ZNF41: variants seen among roughly 807,000 people sequenced by gnomAD.
The protein encoded by ZNF41 is zinc finger protein 41.
In ZNF41, 6 loss-of-function variants were observed where a neutral mutation model predicts 9.3. The ratio of observed to expected loss-of-function variants is 0.65; its 90% CI spans 0.35 to 1.28. ZNF41 has a LOEUF of 1.28. ZNF41 is among the 50% of genes most tolerant of loss of function. The pLI is 0.03. For missense variants in ZNF41, 523 were observed against 585.8 expected (o/e 0.89, Z 1.11); for synonymous variants, 192 against 207.1 (o/e 0.93, Z 0.63).
rs138731878 is a variant in ZNF41 at position 47,448,592 on chromosome X, G to A, written c.1178C>T (p.Ser393Phe). 8.3e-7 allele frequency: 1 copy of A among 1,211,737 alleles called. No individual in the cohort carries two copies. The highest frequency in any genetic ancestry group is 1.1e-6 in the Non-Finnish European group (1 of 895,512). ...ATGTATACTGAGGTCTGAGTTCTGG[G>A]AGAAGCCTTTTCCACATTCACTGCA... ...YECSECGKGF[S>F]QNSDLSIHQK... The change falls in exon 5 of 5, where the codon TCC (serine) becomes TTC (phenylalanine). Residue 393 changes from serine to phenylalanine, a missense_variant. Ser to Phe is a radical substitution (Grantham distance 155). Coordinates refer to ENST00000684689, the MANE Select transcript of ZNF41 (RefSeq NM_001324144.2).
chrX:47,447,508 C>T lies in ZNF41; in HGVS notation c.2262G>A (p.Lys754=), dbSNP rs1270325617. Residue 754 remains lysine, a synonymous_variant, in exon 5 of 5, where the codon AAG becomes AAA. Coordinates refer to ENST00000684689, the MANE Select transcript of ZNF41 (RefSeq NM_001324144.2). ...TGAGATTCGATCTGTCAGTAAAGGC[C>T]TTCTGACATTCTGTACAAGCATAAG... The part of the protein sequence containing the change: ...KKPYACTECQ[K]AFTDRSNLIK... 1 of 1,209,560 alleles carries T rather than the reference C, an allele frequency of 8.3e-7. No homozygotes were observed. Among genetic ancestry groups the T allele is most frequent in the East Asian group, 3.0e-5 (1 of 33,779 alleles).
intron 1 of ZNF41, among the ~76,000 whole-genome samples, chrX:47,473,463 G>T (rs1160967539): frequency 8.9e-6 from 1 of 111,784 alleles, no homozygotes; most frequent in Non-Finnish European, 1.9e-5. Flanking sequence ...AATAATAAAA[G>T]AAACAATAAA....
chrX:47,476,260 C>T (rs747601718), intron 1 of ZNF41, among the ~76,000 whole-genome samples: 2 of 110,216 alleles, frequency 1.8e-5, no homozygotes, highest in Non-Finnish European at 3.8e-5. Flanking sequence ...GGCTGAGGCA[C>T]GAGAATTGCT....
intron 4 of ZNF41, among the ~76,000 whole-genome samples, chrX:47,449,728 A>G (rs1451986618): frequency 1.8e-5 from 2 of 112,418 alleles, no homozygotes; most frequent in Non-Finnish European, 3.8e-5. Flanking sequence ...CCTATGAGGT[A>G]GCTAAACCCT....
rs1157449992 is a variant in ZNF41, at chrX:47,467,286, G to A, written c.72+124C>T. 9.5e-6 allele frequency: 11 copies of A among 1,158,545 alleles called. No homozygotes were observed. In the South Asian group the frequency reaches 1.5e-4, roughly 16 times the overall value. On this transcript the variant is annotated intron_variant, in intron 2 of 4. Coordinates refer to ENST00000684689, the MANE Select transcript of ZNF41 (RefSeq NM_001324144.2). The stretch of plus-strand genomic sequence containing the variant: ...CAAGAGGACCCTGATCTGTCTCCAG[G>A]GTGGCAGGTCCGGAATCTGCCACTT...
At chrX:47,479,272 G>A (rs1489701336) in intron 1 of ZNF41, among the ~76,000 whole-genome samples, 1 of 111,805 alleles carries the variant, frequency 8.9e-6, no homozygotes. Flanking sequence ...GCCAAGCAGG[G>A]TTGCAAAGCC....
At position 47,448,940 on chromosome X, in the gene ZNF41, A is replaced by T. The variant is rs1602818603; in HGVS notation, c.830T>A (p.Val277Glu). The change falls in exon 5 of 5, where the codon GTA (valine) becomes GAA (glutamate). Residue 277 changes from valine to glutamate, a missense_variant. By Grantham distance (121) the Val-to-Glu change is moderately radical. Coordinates refer to ENST00000684689, the MANE Select transcript of ZNF41 (RefSeq NM_001324144.2). ...EEKLYVCTEC[V>E]MGFTQKSHLF... ...ATGTGACTTCTGAGTGAAGCCCATT[A>T]CACATTCAGTACACACATAAAGCTT... The T allele has an allele frequency of 8.3e-7, 1 of 1,211,450 alleles. No individual in the cohort carries two copies. The highest frequency in any genetic ancestry group is 1.1e-6 in the Non-Finnish European group (1 of 895,341).
chrX:47,456,065 G>A, intron 3 of ZNF41, 49 bp from the exon 4 acceptor site: 1 of 1,139,176 alleles, frequency 8.8e-7, no homozygotes, highest in East Asian at 3.0e-5. Flanking sequence ...TTGGGTTTCA[G>A]GGGCCTTTCA....
chrX:47,462,653 C>G (rs2056839039), intron 2 of ZNF41, among the ~76,000 whole-genome samples: 2 of 110,970 alleles, frequency 1.8e-5, no homozygotes, highest in Admixed American at 2.0e-4. Flanking sequence ...CACAGACTGA[C>G]TGCTGTTGGA....
At chrX:47,452,311 G>A (rs900073590) in intron 4 of ZNF41, among the ~76,000 whole-genome samples, 10 of 108,514 alleles carry the variant, frequency 9.2e-5, no homozygotes, top group African/African-American at 1.4e-4. Context: ...GCAGGCCCCC[G>A]CAGTGCTGTA....
In ZNF41 at chrX:47,446,987, C is replaced by T. The variant is rs183400023; in HGVS notation, c.*443G>A. ...GACAATGAAAACTCTTCTCCTCAAC[C>T]TAGAAATTTGAAAAAGTTTTTCCCA... On this transcript the variant is annotated 3_prime_UTR_variant, in exon 5 of 5. Transcript: ENST00000684689. 36 of 122,584 alleles carry T rather than the reference C, an allele frequency of 2.9e-4. No homozygotes were observed. Among genetic ancestry groups the T allele is most frequent in the African/African-American group, 1.1e-3 (34 of 30,888 alleles). The allele number at this position is 122,584 out of a possible 1,213,427, so 10.1% of individuals were successfully genotyped here.
chrX:47,458,309 T>G (rs941997072), intron 2 of ZNF41, among the ~76,000 whole-genome samples: 8 of 112,016 alleles, frequency 7.1e-5, no homozygotes, highest in African/African-American at 2.6e-4. Context: ...AAATAACTGA[T>G]CGTCTAAGAA....
Position 47,447,335 on chromosome X carries a change from T to A in ZNF41, c.*95A>T, listed in dbSNP as rs1159428938. 8.9e-7 allele frequency: 1 copy of A among 1,117,946 alleles called. No homozygotes were observed. Among genetic ancestry groups the A allele is most frequent in the Non-Finnish European group, 1.2e-6 (1 of 821,766 alleles). 92.1% of individuals were successfully genotyped at this position (1,117,946 alleles called of 1,213,427 possible). On this transcript the variant is annotated 3_prime_UTR_variant, in exon 5 of 5. Transcript: ENST00000684689. ...CAAGCCTCAGTCTCTCATACCCATT[T>A]CCCCCTGTACAATGATTGCAGCAAC...
chrX:47,453,086 T>C (rs1210554340), intron 4 of ZNF41, among the ~76,000 whole-genome samples: 1 of 112,026 alleles, frequency 8.9e-6, no homozygotes, highest in Admixed American at 9.5e-5. Context: ...AATAGGCTCT[T>C]TTTTCTTAAA....
At chrX:47,463,224 C>T (rs1569290728) in intron 2 of ZNF41, among the ~76,000 whole-genome samples, 1 of 110,977 alleles carries the variant, frequency 9.0e-6, no homozygotes, top group Non-Finnish European at 1.9e-5. Flanking sequence ...ATGCCCTTAC[C>T]CACTAAAGTG....
In ZNF41 at chrX:47,445,802, T is replaced by G. The variant is rs1251128226; in HGVS notation, c.*1628A>C. On this transcript the variant is annotated 3_prime_UTR_variant, in exon 5 of 5. Coordinates refer to ENST00000684689, the MANE Select transcript of ZNF41 (RefSeq NM_001324144.2). Reference sequence around the variant, plus strand: ...ATACAACATGACAATGAAAATGAATTATCTACAACTATATGCAACATATGG... The same window carrying G: ...ATACAACATGACAATGAAAATGAATGATCTACAACTATATGCAACATATGG... The G allele has an allele frequency of 8.9e-6, 1 of 112,214 alleles. No homozygotes were observed. The highest frequency in any genetic ancestry group is 1.9e-5 in the Non-Finnish European group (1 of 53,251). The allele number at this position is 112,214 out of a possible 1,213,427, so 9.2% of individuals were successfully genotyped here.
At chrX:47,474,626 C>T (rs1486442614) in intron 1 of ZNF41, among the ~76,000 whole-genome samples, 2 of 110,584 alleles carry the variant, frequency 1.8e-5, no homozygotes, top group East Asian at 5.7e-4. Flanking sequence ...CCTGTAATCC[C>T]AGCACTTTGG....
intron 1 of ZNF41, among the ~76,000 whole-genome samples, chrX:47,480,616 TA>T (rs1311502903): frequency 5.5e-5 from 6 of 108,447 alleles, no homozygotes; most frequent in African/African-American, 1.3e-4. Context: ...AGTCAAAATA[TA>T]GAGATAGAGG....
chrX:47,475,160 A>T (rs6609518), intron 1 of ZNF41, among the ~76,000 whole-genome samples: 29,937 of 106,747 alleles, frequency 0.28, 3,315 homozygotes, highest in South Asian at 0.39. Flanking sequence ...AAGGAAAAAA[A>T]ATATATATAT....
Sources: gnomAD v4.1 joint callset for allele counts (sites outside exome capture counted in the v4.1 genomes callset) on GRCh38, gnomAD v4.1.1 for gene constraint, MANE v1.5 for transcripts, NCBI Gene and HGNC (gene_info 2026-07-23, HGNC 2026-07-21) for gene names.